ADNP: variants seen among roughly 807,000 people sequenced by gnomAD.
ADNP encodes activity dependent neuroprotector homeobox.
Under a neutral mutation model 84.9 loss-of-function variants are expected in ADNP, and 4 were observed. The ratio of observed to expected loss-of-function variants is 0.05; its 90% confidence interval spans 0.02 to 0.11. The LOEUF is 0.11. Ranked by LOEUF, ADNP falls within the 10% of genes least tolerant of loss-of-function variation. ADNP has a pLI of 1.00. For missense variants in ADNP, 1,132 were observed against 1,326.0 expected, an observed-to-expected ratio of 0.85 and a Z score of 2.27; for synonymous variants, 554 against 468.1, an observed-to-expected ratio of 1.18 and a Z score of -2.37.
At chr20:50,927,525 A>G (rs1044733786) in intron 2 of ADNP, among the ~76,000 whole-genome samples, 3 of 151,844 alleles carry the variant, frequency 2.0e-5, no homozygotes, top group African/African-American at 4.8e-5. Flanking sequence ...TAGTTTACCT[A>G]CTATAAATTC....
chr20:50,906,135 C>A (rs1285502815), intron 2 of ADNP, among the ~76,000 whole-genome samples: 1 of 152,154 alleles, frequency 6.6e-6, no homozygotes, highest in Non-Finnish European at 1.5e-5. Context: ...TCGCTTGAAC[C>A]CGGGAGGCAG....
At chr20:50,899,741 T>A (rs1180642273) in intron 5 of ADNP, among the ~76,000 whole-genome samples, 1 of 150,594 alleles carries the variant, frequency 6.6e-6, no homozygotes, top group African/African-American at 2.5e-5. Flanking sequence ...TGTGTAGGCC[T>A]AGGCTAATTA....
Position 50,892,517 on chromosome 20 carries a change from C to T in ADNP, c.2197G>A (p.Asp733Asn). The change falls in exon 6 of 6, where the codon GAT (aspartate) becomes AAT (asparagine). Residue 733 changes from aspartate to asparagine, a missense_variant. Physicochemically the swap from Asp to Asn is conservative, Grantham distance 23. Around this residue, in one of 10 missense-constraint regions of ADNP, gnomAD observed 101 missense variants for 78.5 expected, o/e 1.29. Transcript: ENST00000621696. ...AAGCTGGGTGAATCACTATCATCAT[C>T]TAACTTTCGTTTTTTCAGTAAGGGA... is the stretch of plus-strand genomic sequence containing the variant. ...EFPLLKKRKL[D>N]DDSDSPSFFE... 1 of 1,614,232 alleles carries T rather than the reference C, an allele frequency of 6.2e-7. No homozygotes were observed. Among genetic ancestry groups the T allele is most frequent in the South Asian group, 1.1e-5 (1 of 91,088 alleles).
chr20:50,914,086 A>AT, intron 2 of ADNP: 1 of 739,994 alleles, frequency 1.4e-6, no homozygotes, highest in East Asian at 2.5e-5. Context: ...CAGGCATGAG[A>AT]TTGCTCTCAT....
chr20:50,895,372 A>C (rs974734975), intron 5 of ADNP, among the ~76,000 whole-genome samples: 4 of 152,250 alleles, frequency 2.6e-5, no homozygotes, highest in African/African-American at 9.6e-5. Flanking sequence ...AAATATTTGT[A>C]TGTTTAAACA....
At chr20:50,901,179 G>GC (rs944929537) in intron 5 of ADNP, among the ~76,000 whole-genome samples, 1 of 152,006 alleles carries the variant, frequency 6.6e-6, no homozygotes, top group Non-Finnish European at 1.5e-5. Context: ...GAAATACTCT[G>GC]CTTCTCCTCA....
intron 5 of ADNP, among the ~76,000 whole-genome samples, chr20:50,896,278 T>C (rs1401820784): frequency 1.3e-5 from 2 of 151,808 alleles, no homozygotes; most frequent in African/African-American, 4.8e-5. Flanking sequence ...TACAAAAATA[T>C]TTTCTATCTT....
chr20:50,920,262 CAA>C (rs56181933), intron 2 of ADNP, among the ~76,000 whole-genome samples: 7,490 of 64,470 alleles, frequency 0.12, 233 homozygotes, highest in African/African-American at 0.18. Flanking sequence ...ATTCCACCTC[CAA>C]AAAAAAAAAA....
At chr20:50,929,660 A>G (rs1353831834) in intron 1 of ADNP, among the ~76,000 whole-genome samples, 1 of 152,084 alleles carries the variant, frequency 6.6e-6, no homozygotes, top group Non-Finnish European at 1.5e-5. Flanking sequence ...CTCCATGGCC[A>G]TAAACCAGAA....
intron 2 of ADNP, among the ~76,000 whole-genome samples, chr20:50,923,619 G>A (rs1401390806): frequency 1.3e-5 from 2 of 152,136 alleles, no homozygotes; most frequent in South Asian, 2.1e-4. Context: ...CCAGGTTCAA[G>A]TGATTCTCCT....
In ADNP at chr20:50,894,199, T is replaced by A. The variant is rs749954785; in HGVS notation, c.515A>T (p.Tyr172Phe). ...QAVYYCKKCT[Y>F]RDPLYEIVRK... ...AACTATTTCATAAAGAGGATCTCGGTAAGTGCACTTCTTACAGTAATAAAC... is the reference window on the plus strand; with the variant it reads ...AACTATTTCATAAAGAGGATCTCGGAAAGTGCACTTCTTACAGTAATAAAC... Residue 172 changes from tyrosine (Y) to phenylalanine (F), a missense_variant, in exon 6 of 6, where the codon TAC becomes TTC. By Grantham distance (22) the Tyr-to-Phe change is conservative. This residue lies in a region of ADNP where 130 missense variants were observed against 183.7 expected (regional missense o/e 0.71). Coordinates refer to ENST00000621696, the MANE Select transcript of ADNP (RefSeq NM_001282531.3). The A allele has an allele frequency of 6.2e-7, 1 of 1,614,168 alleles. No individual in the cohort carries two copies. The highest frequency in any genetic ancestry group is 8.5e-7 in the Non-Finnish European group (1 of 1,180,002).
At chr20:50,901,730 A>G (rs1353093340) in intron 5 of ADNP, among the ~76,000 whole-genome samples, 2 of 152,226 alleles carry the variant, frequency 1.3e-5, no homozygotes, top group Non-Finnish European at 2.9e-5. Flanking sequence ...ATGCAGAAAA[A>G]TAGAGCCAGA....
chr20:50,919,114 G>T (rs930750657), intron 2 of ADNP, among the ~76,000 whole-genome samples: 1 of 151,724 alleles, frequency 6.6e-6, no homozygotes, highest in Non-Finnish European at 1.5e-5. Context: ...CTTTCAGCAC[G>T]TTCATTTTCC....
intron 2 of ADNP, among the ~76,000 whole-genome samples, chr20:50,906,407 C>T (rs757391866): frequency 2.6e-5 from 4 of 152,200 alleles, no homozygotes; most frequent in Admixed American, 6.5e-5. Context: ...CATAAACTCT[C>T]TATGGGCCAA....
chr20:50,898,876 C>G (rs1981679247), intron 5 of ADNP, among the ~76,000 whole-genome samples: 1 of 152,136 alleles, frequency 6.6e-6, no homozygotes, highest in African/African-American at 2.4e-5. Context: ...CATAAACTGG[C>G]AATACGGTTT....
At chr20:50,922,860 G>GC in intron 2 of ADNP, among the ~76,000 whole-genome samples, 1 of 152,060 alleles carries the variant, frequency 6.6e-6, no homozygotes, top group East Asian at 1.9e-4. Flanking sequence ...GGGATTACAG[G>GC]CGTGAGCCAC....
chr20:50,930,577 A>G, intron 1 of ADNP, among the ~76,000 whole-genome samples: 1 of 151,898 alleles, frequency 6.6e-6, no homozygotes, highest in Non-Finnish European at 1.5e-5. Flanking sequence ...CACAGGGCGG[A>G]GAAGGGGGTC....
At position 50,889,195 on chromosome 20, in the gene ADNP, T is replaced by A. The variant is rs569009815; in HGVS notation, c.*2210A>T. On this transcript the variant is annotated 3_prime_UTR_variant, in exon 6 of 6. Transcript: ENST00000621696. ...CACCACCTTAATGAGGAAACACACTTATCTGTGTCTGTTCCGATATCCAAC... is the reference window on the plus strand; with the variant it reads ...CACCACCTTAATGAGGAAACACACTAATCTGTGTCTGTTCCGATATCCAAC... 6.6e-6 allele frequency: 1 copy of A among 152,294 alleles called. No homozygotes were observed. The highest frequency in any genetic ancestry group is 2.4e-5 in the African/African-American group (1 of 41,562). The allele number at this position is 152,294 out of a possible 1,614,324, so 9.4% of individuals were successfully genotyped here.
At position 50,893,653 on chromosome 20, in the gene ADNP, T is replaced by C. The variant is rs866056890; in HGVS notation, c.1061A>G (p.Asn354Ser). 3 of 1,614,176 alleles carry C rather than the reference T, an allele frequency of 1.9e-6. No homozygotes were observed. Among genetic ancestry groups the C allele is most frequent in the African/African-American group, 1.3e-5 (1 of 75,050 alleles). Residue 354 changes from asparagine to serine, a missense_variant, in exon 6 of 6, where the codon AAC becomes AGC. Physicochemically the swap from Asn to Ser is conservative, Grantham distance 46 (BLOSUM62 1). Coordinates refer to ENST00000621696, the MANE Select transcript of ADNP (RefSeq NM_001282531.3). The surrounding 1 kb of genome is among the most constrained non-coding windows in gnomAD (Gnocchi z 4.4). ...GQSMRLGLGG[N>S]APVSIPQQSQ... Reference sequence around the variant, plus strand: ...TTGTTGAGGAATGGAAACTGGTGCGTTGCCACCTAGACCCAGTCTCATTGA... The same window carrying C: ...TTGTTGAGGAATGGAAACTGGTGCGCTGCCACCTAGACCCAGTCTCATTGA...
Sources: allele counts gnomAD v4.1 joint callset (sites outside exome capture counted in the v4.1 genomes callset), GRCh38; gene constraint gnomAD v4.1.1; regional missense constraint gnomAD v4.1.1; non-coding constraint Gnocchi (gnomAD v3.1); transcripts MANE v1.5; gene names NCBI Gene and HGNC (gene_info 2026-07-23, HGNC 2026-07-21).